The following TCF25 variants were observed in gnomAD, a reference collection of about 807,000 sequenced individuals.
TCF25 encodes the protein ribosome quality control complex subunit TCF25.
A neutral mutation model predicts 83.1 loss-of-function variants in TCF25; 41 were observed. The observed-to-expected ratio is 0.49, with a 90% confidence interval of 0.38 to 0.64. The LOEUF is 0.64. TCF25 is among the 30% of genes least tolerant of loss of function. The pLI, the probability that TCF25 is intolerant of heterozygous loss-of-function variation, is 0.00. For missense variants in TCF25, 979 were observed against 914.5 expected (o/e 1.07, Z -0.91); for synonymous variants, 458 against 365.0 (o/e 1.25, Z -2.90).
chr16:89,882,877 C>T (rs529394591), intron 1 of TCF25, among the ~76,000 whole-genome samples: 2 of 152,314 alleles, frequency 1.3e-5, no homozygotes, highest in South Asian at 2.1e-4. Flanking sequence ...GCGAGCACCT[C>T]GCCTGGCCTA....
intron 12 of TCF25, among the ~76,000 whole-genome samples, chr16:89,901,511 C>T (rs1342791158): frequency 2.2e-5 from 3 of 137,050 alleles, no homozygotes; most frequent in South Asian, 2.3e-4. Flanking sequence ...TTTGGGAGGC[C>T]GAGGTGGGCG....
intron 4 of TCF25, among the ~76,000 whole-genome samples, chr16:89,886,434 AT>A (rs1411303099): frequency 2.1e-4 from 31 of 149,646 alleles, no homozygotes; most frequent in African/African-American, 6.4e-4. Context: ...TCTCAAAAAA[AT>A]AATAATAATA....
In TCF25 at chr16:89,892,205, A is replaced by G; in HGVS notation, c.627A>G (p.Arg209=). ...CCGTTCTCCCCAGGCCACGGCAGAGACAACGTGTGTACCCCAAGTGCACAT... is the reference window on the plus strand; with the variant it reads ...CCGTTCTCCCCAGGCCACGGCAGAGGCAACGTGTGTACCCCAAGTGCACAT... ...AILGEQRPRQ[R]QRVYPKCTWL... Residue 209 remains arginine, a synonymous_variant, in exon 6 of 18, where the codon AGA becomes AGG. Coordinates refer to ENST00000263346, the MANE Select transcript of TCF25 (RefSeq NM_014972.3). 6.2e-7 allele frequency: 1 copy of G among 1,611,454 alleles called. No homozygotes were observed. Among genetic ancestry groups the G allele is most frequent in the Non-Finnish European group, 8.5e-7 (1 of 1,178,984 alleles).
chr16:89,898,928 GT>G, intron 11 of TCF25, 56 bp downstream of exon 11: 1 of 1,550,772 alleles, frequency 6.4e-7, no homozygotes, highest in Non-Finnish European at 8.9e-7. Context: ...TTCTCCTTCT[GT>G]TTTCTTGGTT....
chr16:89,878,843 G>C (rs1264519366), intron 1 of TCF25, among the ~76,000 whole-genome samples: 2 of 152,078 alleles, frequency 1.3e-5, no homozygotes, highest in African/African-American at 4.8e-5. Context: ...GGGTTTCACC[G>C]TGTTAGCGAG....
chr16:89,882,625 T>C (rs35994878), intron 1 of TCF25, among the ~76,000 whole-genome samples: 18,142 of 152,262 alleles, frequency 0.12, 1,299 homozygotes, highest in East Asian at 0.26. Flanking sequence ...CTTGCTCTGT[T>C]GCCCAGGCTG....
intron 1 of TCF25, among the ~76,000 whole-genome samples, chr16:89,879,188 A>G (rs950555109): frequency 1.9e-4 from 29 of 149,200 alleles, no homozygotes; most frequent in African/African-American, 6.7e-4. Context: ...TGGGCCTATC[A>G]CCCGTGCTGT....
At chr16:89,875,443 G>T (rs565268720) in intron 1 of TCF25, among the ~76,000 whole-genome samples, 11 of 150,950 alleles carry the variant, frequency 7.3e-5, no homozygotes, top group Non-Finnish European at 8.8e-5. Flanking sequence ...GAAAGATACT[G>T]GAGCCACTTT....
chr16:89,910,445 C>G, intron 16 of TCF25, 146 bp from the exon 17 acceptor site: 1 of 746,050 alleles, frequency 1.3e-6, no homozygotes, highest in Admixed American at 2.3e-5. Context: ...AATCCAGGGC[C>G]TGTGCTCAGC....
intron 17 of TCF25, 23 bp downstream of exon 17, chr16:89,910,686 CCT>C: frequency 1.2e-6 from 2 of 1,612,174 alleles, no homozygotes; most frequent in Non-Finnish European, 1.7e-6. Context: ...CGTCCCAGCC[CCT>C]GCCTCCCCAG....
chr16:89,907,668 T>G (rs945363579), intron 16 of TCF25, among the ~76,000 whole-genome samples: 29 of 8,038 alleles, frequency 3.6e-3, no homozygotes, highest in Middle Eastern at 0.083. Flanking sequence ...CCCAGCTCCC[T>G]CCTCCCACCT....
chr16:89,904,252 G>A (rs1022891200), intron 13 of TCF25, 47 bp downstream of exon 13: 29 of 1,542,620 alleles, frequency 1.9e-5, no homozygotes, highest in Non-Finnish European at 2.4e-5. Flanking sequence ...TGTGGGTTCG[G>A]AGCCTGGGAG....
chr16:89,874,126 C>T (rs925828812), intron 1 of TCF25, among the ~76,000 whole-genome samples: 3 of 147,412 alleles, frequency 2.0e-5, no homozygotes, highest in African/African-American at 5.0e-5. Context: ...TGGGGCGGGG[C>T]CGTGCTGTCG....
intron 6 of TCF25, among the ~76,000 whole-genome samples, chr16:89,893,335 T>A (rs1269399098): frequency 6.6e-6 from 1 of 152,174 alleles, no homozygotes; most frequent in Non-Finnish European, 1.5e-5. Flanking sequence ...TCCAACCCTG[T>A]CCTTCCACAG....
At chr16:89,875,769 G>C (rs1235376251) in intron 1 of TCF25, among the ~76,000 whole-genome samples, 1 of 146,266 alleles carries the variant, frequency 6.8e-6, no homozygotes, top group South Asian at 2.2e-4. Context: ...TGATCCGCCT[G>C]CCTCGGCCTC....
At chr16:89,904,271 A>C in intron 13 of TCF25, 66 bp downstream of exon 13, 1 of 1,523,858 alleles carries the variant, frequency 6.6e-7, no homozygotes. Flanking sequence ...AGCCATTTTC[A>C]CTCATCCTGA....
At position 89,906,184 on chromosome 16, in the gene TCF25, C is replaced by T. The variant is rs1034078213; in HGVS notation, c.1629-10C>T. Reference sequence around the variant, plus strand: ...TTTATCTGCTGTGCCTTGTTTCTCCCCGGCCCTAGGCGGAAGGTGCTCTAC... The same window carrying T: ...TTTATCTGCTGTGCCTTGTTTCTCCTCGGCCCTAGGCGGAAGGTGCTCTAC... On this transcript the variant is annotated splice_polypyrimidine_tract_variant and intron_variant, in intron 14 of 17. Transcript: ENST00000263346. The T allele has an allele frequency of 1.9e-6, 3 of 1,612,448 alleles. No homozygotes were observed. The highest frequency in any genetic ancestry group is 3.3e-5 in the Admixed American group (2 of 59,878).
At chr16:89,885,131 CATT>C (rs2042910369) in intron 3 of TCF25, among the ~76,000 whole-genome samples, 1 of 152,156 alleles carries the variant, frequency 6.6e-6, no homozygotes, top group Non-Finnish European at 1.5e-5. Flanking sequence ...ACGCTCTCTC[CATT>C]CTCTTCTGGC....
intron 13 of TCF25, chr16:89,904,702 A>G (rs759683360): frequency 2.1e-4 from 140 of 656,788 alleles, no homozygotes; most frequent in Non-Finnish European, 3.6e-5. Flanking sequence ...GCATTTTCAC[A>G]TTTCTGTGAC....
Sources: allele counts gnomAD v4.1 joint callset (sites outside exome capture counted in the v4.1 genomes callset), GRCh38; gene constraint gnomAD v4.1.1; transcripts MANE v1.5; gene names NCBI Gene and HGNC (gene_info 2026-07-23, HGNC 2026-07-21).